Variants in SLC46A2 observed in about 807,000 individuals in gnomAD.
SLC46A2 encodes the protein thymic stromal co-transporter.
A neutral mutation model predicts 33.1 loss-of-function variants in SLC46A2; 25 were observed. That is an observed-to-expected ratio of 0.76 (90% CI 0.55 to 1.06). The LOEUF is 1.06. SLC46A2 is among the 50% of genes least tolerant of loss of function. The pLI, the probability that SLC46A2 is intolerant of heterozygous loss-of-function variation, is 0.00. For synonymous variants in SLC46A2, 254 were observed against 275.9 expected (o/e 0.92, Z 0.79); for missense variants, 622 against 621.7 (o/e 1.00, Z 0.00).
In SLC46A2 at chr9:112,890,243, C is replaced by A. The variant is rs766555952; in HGVS notation, c.439G>T (p.Gly147Cys). The change falls in exon 1 of 4, where the codon GGC becomes TGC. Residue 147 changes from glycine to cysteine, a missense_variant. Coordinates refer to ENST00000374228, the MANE Select transcript of SLC46A2 (RefSeq NM_033051.4). The surrounding 1 kb of genome is among the most constrained non-coding windows in gnomAD (Gnocchi z 6.0). The part of the protein sequence containing the change: ...YGAAALNGLF[G>C]GFSAFWSGVM... ...CCGGACCAGAAGGCGGAGAAGCCGCCGAATAGCCCGTTCAGCGCCGCCGCC... is the reference window on the plus strand; with the variant it reads ...CCGGACCAGAAGGCGGAGAAGCCGCAGAATAGCCCGTTCAGCGCCGCCGCC... 1.2e-6 allele frequency: 2 copies of A among 1,613,108 alleles called. No homozygotes were observed. Among genetic ancestry groups the A allele is most frequent in the Non-Finnish European group, 1.7e-6 (2 of 1,179,876 alleles).
In SLC46A2 at chr9:112,890,036, C is replaced by T. The variant is rs766021524; in HGVS notation, c.646G>A (p.Ala216Thr). 169 of 1,613,856 alleles carry T rather than the reference C, an allele frequency of 1.0e-4. No individual in the cohort carries two copies. Among genetic ancestry groups the T allele is most frequent in the Non-Finnish European group, 1.4e-4 (163 of 1,180,020 alleles). ...LILTACSVSC[A>T]SFALLYSLLV... ...AGGCTGTAGAGCAGGGCAAACGAGG[C>T]ACAGCTCACGCTGCAGGCCGTCAGT... The change falls in exon 1 of 4, where the codon GCC becomes ACC. Residue 216 changes from alanine to threonine, a missense_variant. Ala to Thr is a moderately conservative substitution (Grantham distance 58). Coordinates refer to ENST00000374228, the MANE Select transcript of SLC46A2 (RefSeq NM_033051.4). This position sits in a 1 kb window ranked among gnomAD's most constrained non-coding sequence, Gnocchi z 6.0.
At chr9:112,886,301 A>C (rs575513376) in intron 3 of SLC46A2, among the ~76,000 whole-genome samples, 159 bp downstream of exon 3, 1 of 152,316 alleles carries the variant, frequency 6.6e-6, no homozygotes, top group South Asian at 2.1e-4. Flanking sequence ...AGTGTTGGGA[A>C]ACAGGAGGAC....
At chr9:112,886,731 TCTC>T in intron 2 of SLC46A2, 115 bp from the exon 3 acceptor site, 14 of 1,094,492 alleles carry the variant, frequency 1.3e-5, no homozygotes, top group Non-Finnish European at 1.7e-5. Flanking sequence ...TCTCTCTCTC[TCTC>T]TTTTTTTAGA....
At chr9:112,884,704 G>A (rs1379646374) in intron 3 of SLC46A2, among the ~76,000 whole-genome samples, 1 of 152,198 alleles carries the variant, frequency 6.6e-6, no homozygotes, top group Non-Finnish European at 1.5e-5. Context: ...GTGCCTAAGT[G>A]CCTTACCTGC....
rs1841696250 is a variant in SLC46A2 at position 112,889,601 on chromosome 9, C to T, written c.1081G>A (p.Gly361Arg). ...IMIGMVSFGSGALLLAFVKET... is the reference protein window; with the variant it reads ...IMIGMVSFGSRALLLAFVKET... ...TTCACAAAAGCCAAGAGGAGGGCTC[C>T]TGACCCAAAGGAGACCATCCCAATC... The change falls in exon 1 of 4, where the codon GGA becomes AGA. Residue 361 changes from glycine (G) to arginine (R), a missense_variant. Coordinates refer to ENST00000374228, the MANE Select transcript of SLC46A2 (RefSeq NM_033051.4). The T allele has an allele frequency of 6.2e-7, 1 of 1,614,036 alleles. No individual in the cohort carries two copies. Among genetic ancestry groups the T allele is most frequent in the East Asian group, 2.2e-5 (1 of 44,858 alleles).
rs1401514128 is a variant in SLC46A2 at position 112,890,488 on chromosome 9, G to A, written c.194C>T (p.Ala65Val). The change falls in exon 1 of 4, where the codon GCT (alanine) becomes GTT (valine). Residue 65 changes from alanine (A) to valine (V), a missense_variant. Physicochemically the swap from Ala to Val is moderately conservative, Grantham distance 64. Coordinates refer to ENST00000374228, the MANE Select transcript of SLC46A2 (RefSeq NM_033051.4). This position sits in a 1 kb window ranked among gnomAD's most constrained non-coding sequence, Gnocchi z 6.0. ...GGCTCTCTGCTGTTGGTCCTCTAGA[G>A]CCCCCCGGGGCGATGGGCTGGCACT... ...NHSASPSPRG[A>V]LEDQQQRAIS... 1.2e-6 allele frequency: 2 copies of A among 1,614,064 alleles called. No individual in the cohort carries two copies. Among genetic ancestry groups the A allele is most frequent in the African/African-American group, 2.7e-5 (2 of 74,922 alleles).
At chr9:112,887,440 C>G (rs750360022) in intron 1 of SLC46A2, 27 bp from the exon 2 acceptor site, 1 of 1,583,090 alleles carries the variant, frequency 6.3e-7, no homozygotes, top group Non-Finnish European at 8.6e-7. Context: ...AAGAACACTC[C>G]TTGCTGTAGC....
chr9:112,879,501 C>T lies in SLC46A2; in HGVS notation c.*261G>A, dbSNP rs972597146. 8 of 447,546 alleles carry T rather than the reference C, an allele frequency of 1.8e-5. No individual in the cohort carries two copies. Among genetic ancestry groups the T allele is most frequent in the African/African-American group, 1.4e-4 (7 of 51,154 alleles). The allele number at this position is 447,546 out of a possible 1,614,324, so 27.7% of individuals were successfully genotyped here. ...GCAGCCTGCCTGTAACCCTTAAGGT[C>T]ATGCTCTGCTGTCACAGAACCCAGT... On this transcript the variant is annotated 3_prime_UTR_variant, in exon 4 of 4. Transcript: ENST00000374228.
At chr9:112,880,953 T>C (rs140334019) in intron 3 of SLC46A2, among the ~76,000 whole-genome samples, 113 of 152,306 alleles carry the variant, frequency 7.4e-4, no homozygotes, top group Non-Finnish European at 1.2e-3. Context: ...CATTTTCTTT[T>C]TCCTGGAATC....
Position 112,889,889 on chromosome 9 carries a change from A to G in SLC46A2, c.793T>C (p.Tyr265His), listed in dbSNP as rs1841703003. 6.2e-7 allele frequency: 1 copy of G among 1,614,208 alleles called. No individual in the cohort carries two copies. The highest frequency in any genetic ancestry group is 8.5e-7 in the Non-Finnish European group (1 of 1,180,048). The stretch of plus-strand genomic sequence containing the variant: ...GGAGATGGAGGGTGCCCCACTGCAT[A>G]CTGTTGGTCCAACTGATCAGGATCC... ...TLDPDQLDQQ[Y>H]AVGHPPSPGK... The change falls in exon 1 of 4, where the codon TAT becomes CAT. Residue 265 changes from tyrosine to histidine, a missense_variant. Coordinates refer to ENST00000374228, the MANE Select transcript of SLC46A2 (RefSeq NM_033051.4).
In SLC46A2 at chr9:112,890,049, G is replaced by T; in HGVS notation, c.633C>A (p.Cys211Ter). Residue 211 changes from cysteine to a stop codon, truncating the protein, a stop_gained, in exon 1 of 4, where the codon TGC (cysteine) becomes TGA (stop). Transcript: ENST00000374228. LOFTEE classifies it high-confidence loss of function. The surrounding 1 kb of genome is among the most constrained non-coding windows in gnomAD (Gnocchi z 6.0). ...GGGCAAACGAGGCACAGCTCACGCT[G>T]CAGGCCGTCAGTATCAGGCCCTGCC... is the stretch of plus-strand genomic sequence containing the variant. ...HSGQGLILTA[C>*]SVSCASFALL... 1 of 1,613,948 alleles carries T rather than the reference G, an allele frequency of 6.2e-7. No individual in the cohort carries two copies. Among genetic ancestry groups the T allele is most frequent in the Non-Finnish European group, 8.5e-7 (1 of 1,180,012 alleles).
At chr9:112,881,700 T>C (rs980432588) in intron 3 of SLC46A2, 1 of 152,234 alleles carries the variant, frequency 6.6e-6, no homozygotes, top group African/African-American at 2.4e-5. Context: ...GGATCTGTGC[T>C]GAACACAGAA....
intron 3 of SLC46A2, among the ~76,000 whole-genome samples, chr9:112,883,797 A>C (rs1206345883): frequency 1.3e-5 from 2 of 151,312 alleles, no homozygotes; most frequent in African/African-American, 4.9e-5. Context: ...TCCTGGGTTC[A>C]AGCGATTCTC....
intron 2 of SLC46A2, 143 bp from the exon 3 acceptor site, chr9:112,886,759 C>G: frequency 5.6e-6 from 5 of 897,490 alleles, no homozygotes; most frequent in Non-Finnish European, 8.3e-6. Flanking sequence ...GAGTCTTACT[C>G]TGTTGCCCAG....
chr9:112,883,658 G>GA (rs1365292686), intron 3 of SLC46A2, among the ~76,000 whole-genome samples: 2 of 150,832 alleles, frequency 1.3e-5, no homozygotes, highest in African/African-American at 4.9e-5. Context: ...ATTCTGTTGG[G>GA]ATAGCTTGGC....
rs752961809 is a variant in SLC46A2 at position 112,879,758 on chromosome 9, A to T, written c.*4T>A. On this transcript the variant is annotated 3_prime_UTR_variant, in exon 4 of 4. Coordinates refer to ENST00000374228, the MANE Select transcript of SLC46A2 (RefSeq NM_033051.4). Reference sequence around the variant, plus strand: ...ATGTTTTCAGTTCCTGCAGGTAAGCATCTTCATTTCTCTATGATGTCTCCA... The same window carrying T: ...ATGTTTTCAGTTCCTGCAGGTAAGCTTCTTCATTTCTCTATGATGTCTCCA... 6.2e-7 allele frequency: 1 copy of T among 1,611,928 alleles called. No homozygotes were observed. The highest frequency in any genetic ancestry group is 2.2e-5 in the East Asian group (1 of 44,834).
At position 112,890,742 on chromosome 9, in the gene SLC46A2, A is replaced by C. The variant is rs980881078; in HGVS notation, c.-61T>G. 8 of 1,522,302 alleles carry C rather than the reference A, an allele frequency of 5.3e-6. No individual in the cohort carries two copies. The highest frequency in any genetic ancestry group is 2.3e-5 in the East Asian group (1 of 43,772). 94.3% of individuals were successfully genotyped at this position (1,522,302 alleles called of 1,614,324 possible). ...CTGCAGTGACAAGGATATGCTCCCAAATTCGGCTGCTACGGCTGCTCAGGT... is the reference window on the plus strand; with the variant it reads ...CTGCAGTGACAAGGATATGCTCCCACATTCGGCTGCTACGGCTGCTCAGGT... On this transcript the variant is annotated 5_prime_UTR_variant, in exon 1 of 4. It adds an upstream start codon to the 5' untranslated region. Coordinates refer to ENST00000374228, the MANE Select transcript of SLC46A2 (RefSeq NM_033051.4). The surrounding 1 kb of genome is among the most constrained non-coding windows in gnomAD (Gnocchi z 6.0).
At chr9:112,887,484 C>T (rs1448973190) in intron 1 of SLC46A2, 71 bp from the exon 2 acceptor site, 4 of 1,395,678 alleles carry the variant, frequency 2.9e-6, no homozygotes, top group Non-Finnish European at 2.9e-6. Flanking sequence ...TATCAAAAGC[C>T]TCTCTTAGAA....
intron 3 of SLC46A2, among the ~76,000 whole-genome samples, chr9:112,884,309 C>T (rs1309662607): frequency 6.6e-6 from 1 of 152,174 alleles, no homozygotes; most frequent in Non-Finnish European, 1.5e-5. Flanking sequence ...TCTGGCATGC[C>T]TGCCTGGGTT....
Sources: allele counts gnomAD v4.1 joint callset (sites outside exome capture counted in the v4.1 genomes callset), GRCh38; gene constraint gnomAD v4.1.1; non-coding constraint Gnocchi (gnomAD v3.1); transcripts MANE v1.5; gene names NCBI Gene and HGNC (gene_info 2026-07-23, HGNC 2026-07-21).